Variants in GALNT13 observed in about 807,000 individuals in gnomAD.
The protein encoded by GALNT13 is UDP-GalNAc:polypeptide N-acetylgalactosaminyltransferase 13.
A neutral mutation model predicts 64.2 loss-of-function variants in GALNT13; 28 were observed. That is an observed-to-expected ratio of 0.44 (90% confidence interval 0.32 to 0.60). The LOEUF (loss-of-function observed/expected upper bound fraction) is 0.60. Among genes scored for constraint, GALNT13 ranks in the 20% least tolerant of loss-of-function variants. The pLI, the probability that GALNT13 is intolerant of heterozygous loss-of-function variation, is 0.05. For synonymous variants in GALNT13, 214 were observed against 224.6 expected (o/e 0.95, Z 0.42); for missense variants, 577 against 669.8 (o/e 0.86, Z 1.53).
the GALNT13 span, among the ~76,000 whole-genome samples, chr2:153,635,911 A>C: frequency 6.6e-6 from 1 of 152,164 alleles, no homozygotes; most frequent in Non-Finnish European, 1.5e-5. Context: ...AGGGGTAAAA[A>C]GAAACATAAG....
the GALNT13 span, among the ~76,000 whole-genome samples, chr2:153,673,717 C>A: frequency 6.6e-6 from 1 of 152,084 alleles, no homozygotes; most frequent in African/African-American, 2.4e-5. Context: ...GGCAATCAGA[C>A]AAGAGAAAGA....
At chr2:153,910,071 T>G (rs995287838) in intron 2 of GALNT13, among the ~76,000 whole-genome samples, 1 of 151,844 alleles carries the variant, frequency 6.6e-6, no homozygotes, top group Non-Finnish European at 1.5e-5. Context: ...GCTAGGCTTT[T>G]TTTTTTTTGG....
chr2:154,066,904 G>A (rs776262832), intron 3 of GALNT13, among the ~76,000 whole-genome samples: 33 of 151,728 alleles, frequency 2.2e-4, no homozygotes, highest in Admixed American at 3.3e-4. Context: ...AAAATAAATC[G>A]GTCAAAAGTA....
the GALNT13 span, among the ~76,000 whole-genome samples, chr2:153,340,090 G>T: frequency 6.6e-6 from 1 of 152,018 alleles, no homozygotes; most frequent in African/African-American, 2.4e-5. Flanking sequence ...TGGGTCCTTT[G>T]TAGTTTTATA....
At chr2:154,231,232 A>G (rs1273898788) in intron 4 of GALNT13, among the ~76,000 whole-genome samples, 4 of 152,116 alleles carry the variant, frequency 2.6e-5, no homozygotes, top group African/African-American at 4.8e-5. Flanking sequence ...GTTTCCTGGC[A>G]ATACATACCT....
At chr2:154,277,331 C>T (rs761998899) in intron 8 of GALNT13, among the ~76,000 whole-genome samples, 18 of 151,980 alleles carry the variant, frequency 1.2e-4, no homozygotes, top group Non-Finnish European at 1.5e-4. Flanking sequence ...TACTGAACCT[C>T]GCTCGTCAAA....
chr2:153,712,390 A>G, the GALNT13 span, among the ~76,000 whole-genome samples: 1 of 152,128 alleles, frequency 6.6e-6, no homozygotes, highest in Non-Finnish European at 1.5e-5. Context: ...CTTAGCCAAC[A>G]TCACTCCCTT....
the GALNT13 span, among the ~76,000 whole-genome samples, chr2:153,624,919 A>G: frequency 3.4e-4 from 52 of 151,914 alleles, no homozygotes; most frequent in Non-Finnish European, 6.5e-4. Context: ...CGGACAAAAA[A>G]GTTTCAAAAC....
intron 3 of GALNT13, among the ~76,000 whole-genome samples, chr2:154,134,633 A>C (rs1421585414): frequency 6.6e-6 from 1 of 152,208 alleles, no homozygotes; most frequent in African/African-American, 2.4e-5. Context: ...ACCCATTAGA[A>C]AATAAGTATG....
chr2:153,490,297 A>AT, the GALNT13 span, among the ~76,000 whole-genome samples: 2 of 152,188 alleles, frequency 1.3e-5, no homozygotes, highest in South Asian at 4.1e-4. Flanking sequence ...TATAGACAAT[A>AT]TTTTTTAAAA....
intron 3 of GALNT13, among the ~76,000 whole-genome samples, chr2:154,023,248 G>T (rs570065582): frequency 6.6e-6 from 1 of 152,124 alleles, no homozygotes; most frequent in Non-Finnish European, 1.5e-5. Flanking sequence ...GGGTATCCTT[G>T]TTAACTTTCT....
At chr2:154,384,346 TAATA>T (rs1354554462) in intron 9 of GALNT13, among the ~76,000 whole-genome samples, 1 of 151,898 alleles carries the variant, frequency 6.6e-6, no homozygotes, top group East Asian at 1.9e-4. Context: ...CACTTTACCA[TAATA>T]AATAAAGACA....
chr2:154,345,171 T>C (rs1050692816), intron 9 of GALNT13, among the ~76,000 whole-genome samples: 1 of 152,024 alleles, frequency 6.6e-6, no homozygotes, highest in Non-Finnish European at 1.5e-5. Flanking sequence ...CTCCTAAAGA[T>C]ATTGTTGATT....
At chr2:153,192,026 AT>A in the GALNT13 span, among the ~76,000 whole-genome samples, 1 of 151,128 alleles carries the variant, frequency 6.6e-6, no homozygotes, top group Non-Finnish European at 1.5e-5. Context: ...GATCTTTTGT[AT>A]TTTTTGTCTC....
At chr2:153,394,183 C>T in the GALNT13 span, among the ~76,000 whole-genome samples, 1 of 152,030 alleles carries the variant, frequency 6.6e-6, no homozygotes, top group South Asian at 2.1e-4. Context: ...GCCTGTAGAG[C>T]AGAACTCCAG....
intron 11 of GALNT13, among the ~76,000 whole-genome samples, chr2:154,422,675 T>C (rs1700305172): frequency 6.6e-6 from 1 of 152,176 alleles, no homozygotes; most frequent in Admixed American, 6.5e-5. Context: ...CAAAATTTGA[T>C]TTTTTCTTTT....
intron 4 of GALNT13, among the ~76,000 whole-genome samples, chr2:154,169,556 T>G (rs961134723): frequency 6.6e-6 from 1 of 152,154 alleles, no homozygotes; most frequent in African/African-American, 2.4e-5. Flanking sequence ...CCTTCAAAAC[T>G]GCCCCATATT....
At chr2:153,349,294 G>A in the GALNT13 span, among the ~76,000 whole-genome samples, 3 of 152,140 alleles carry the variant, frequency 2.0e-5, no homozygotes, top group Non-Finnish European at 4.4e-5. Context: ...AATTAGTCAG[G>A]GAGGATAAAG....
the GALNT13 span, among the ~76,000 whole-genome samples, chr2:153,274,102 C>T: frequency 6.6e-6 from 1 of 152,088 alleles, no homozygotes; most frequent in African/African-American, 2.4e-5. Flanking sequence ...ACTCAGGAGG[C>T]TGAGGCAGGA....
Sources: gnomAD v4.1 joint callset for allele counts (sites outside exome capture counted in the v4.1 genomes callset) on GRCh38, gnomAD v4.1.1 for gene constraint, MANE v1.5 for transcripts, NCBI Gene and HGNC (gene_info 2026-07-23, HGNC 2026-07-21) for gene names.